B3GAT1: variants seen among roughly 807,000 people sequenced by gnomAD.
B3GAT1 encodes beta-1,3-glucuronyltransferase 1.
B3GAT1 carries 11 observed loss-of-function variants against 28.4 expected under a neutral mutation model. The ratio of observed to expected loss-of-function variants is 0.39; its 90% CI spans 0.24 to 0.64. B3GAT1 has a LOEUF of 0.64. Ranked by LOEUF, B3GAT1 falls within the 30% of genes least tolerant of loss-of-function variation. The pLI, the probability that B3GAT1 is intolerant of heterozygous loss-of-function variation, is 0.50. For missense variants in B3GAT1, 375 were observed against 491.0 expected, an observed-to-expected ratio of 0.76 and a Z score of 2.23; for synonymous variants, 255 against 223.1, an observed-to-expected ratio of 1.14 and a Z score of -1.27.
Position 134,378,509 on chromosome 11 carries a change from A to G in B3GAT1, c.*2253T>C, listed in dbSNP as rs570539287. 5 of 152,340 alleles carry G rather than the reference A, an allele frequency of 3.3e-5. No homozygotes were observed. Among genetic ancestry groups the G allele is most frequent in the Admixed American group, 3.3e-4 (5 of 15,302 alleles). The allele number at this position is 152,340 out of a possible 1,614,324, so 9.4% of individuals were successfully genotyped here. A position where few individuals can be genotyped will look rare whatever the true frequency, so the allele number is the denominator to read the frequency against. On this transcript the variant is annotated 3_prime_UTR_variant, in exon 6 of 6. Coordinates refer to ENST00000312527, the MANE Select transcript of B3GAT1 (RefSeq NM_054025.3). ...TAAGGCAGGGCTGAAGAGGATTAGG[A>G]CTGTTAAAAACTGTATTTGACTTTT...
intron 1 of B3GAT1, among the ~76,000 whole-genome samples, chr11:134,403,067 T>G (rs1469221019): frequency 6.6e-6 from 1 of 151,720 alleles, no homozygotes; most frequent in East Asian, 1.9e-4. Flanking sequence ...GACAGTGGAG[T>G]GTGCTGATAC....
chr11:134,389,038 T>C (rs1249985882), intron 1 of B3GAT1: 6 of 152,256 alleles, frequency 3.9e-5, no homozygotes. Flanking sequence ...CAAATTGCTT[T>C]CCATAGTGGC....
At chr11:134,387,982 T>G in intron 1 of B3GAT1, 42 bp from the exon 2 acceptor site, 6 of 795,814 alleles carry the variant, frequency 7.5e-6, no homozygotes, top group Non-Finnish European at 1.2e-5. Flanking sequence ...GACCCAGGTA[T>G]AGGAATGGAT....
chr11:134,381,815 G>T (rs1287241693), intron 5 of B3GAT1, 109 bp downstream of exon 5: 1 of 876,494 alleles, frequency 1.1e-6, no homozygotes, highest in Admixed American at 1.9e-5. Flanking sequence ...GCCCACATCT[G>T]CCCTGTCCTC....
rs1016254447 is a variant in B3GAT1 at position 134,393,166 on chromosome 11, C to G, written c.-281-5226G>C. Among the ~76,000 whole-genome samples, 2 of 152,200 alleles carry G rather than the reference C, an allele frequency of 1.3e-5. No individual in the cohort carries two copies. The highest frequency in any genetic ancestry group is 3.8e-4 in the East Asian group (2 of 5,196). On this transcript the variant is annotated intron_variant, in intron 1 of 5. Coordinates refer to ENST00000312527, the MANE Select transcript of B3GAT1 (RefSeq NM_054025.3). This position sits in a 1 kb window ranked among gnomAD's most constrained non-coding sequence, Gnocchi z 4.0. ...CTGGAGGACGAGAAAGGCCTTTTTA[C>G]CCAGTAAGATGGGAACAGTAGTTAA...
rs1429852910 is a variant in B3GAT1 at position 134,398,208 on chromosome 11, T to C, written c.-281-10268A>G. Among the ~76,000 whole-genome samples the C allele has an allele frequency of 2.0e-5, 3 of 152,128 alleles. No individual in the cohort carries two copies. The East Asian group carries it at 5.8e-4, about 29-fold the overall frequency. ...GTGATCATGGCCGGCACCCCGTGAG[T>C]CAGCACACGTGTATTCACAGGCACG... On this transcript the variant is annotated intron_variant, in intron 1 of 5. Coordinates refer to ENST00000312527, the MANE Select transcript of B3GAT1 (RefSeq NM_054025.3).
At chr11:134,404,009 A>T (rs1172732331) in intron 1 of B3GAT1, among the ~76,000 whole-genome samples, 1 of 97,136 alleles carries the variant, frequency 1.0e-5, no homozygotes, top group African/African-American at 3.9e-5. Context: ...ATATATATAT[A>T]TATATATATA....
chr11:134,393,948 A>G lies in B3GAT1; in HGVS notation c.-281-6008T>C, dbSNP rs1318726241. Among the ~76,000 whole-genome samples the G allele has an allele frequency of 6.6e-6, 1 of 152,168 alleles. No individual in the cohort carries two copies. Among genetic ancestry groups the G allele is most frequent in the Non-Finnish European group, 1.5e-5 (1 of 68,032 alleles). On this transcript the variant is annotated intron_variant, in intron 1 of 5. Transcript: ENST00000312527. The surrounding 1 kb of genome is among the most constrained non-coding windows in gnomAD (Gnocchi z 4.0). ...TAATGGGATCAGCGGATTAGTATTG[A>G]TTCTGCAGGCGCTGCTCAGGAAACG... is the stretch of plus-strand genomic sequence containing the variant.
In B3GAT1 at chr11:134,387,748, G is replaced by C; in HGVS notation, c.-89C>G. On this transcript the variant is annotated 5_prime_UTR_variant, in exon 2 of 6. Coordinates refer to ENST00000312527, the MANE Select transcript of B3GAT1 (RefSeq NM_054025.3). ...CGGCCACGGGCGGCGGCAGCACAGG[G>C]GAGAAAAGAACAGGCATGGGCCGGG... 6.3e-7 allele frequency: 1 copy of C among 1,577,390 alleles called. No homozygotes were observed. The highest frequency in any genetic ancestry group is 8.6e-7 in the Non-Finnish European group (1 of 1,162,866).
At chr11:134,388,013 C>A in intron 1 of B3GAT1, 73 bp from the exon 2 acceptor site, 1 of 540,268 alleles carries the variant, frequency 1.9e-6, no homozygotes, top group Non-Finnish European at 3.3e-6. Flanking sequence ...CTGGGCCCTG[C>A]TCTGGGACAC....
chr11:134,383,252 C>T (rs56878387), intron 3 of B3GAT1, among the ~76,000 whole-genome samples: 1 of 152,136 alleles, frequency 6.6e-6, no homozygotes, highest in Non-Finnish European at 1.5e-5. Flanking sequence ...CCCTTCTCAG[C>T]GTGGCCCTGC....
In B3GAT1 at chr11:134,383,909, G is replaced by C. The variant is rs767331871; in HGVS notation, c.392C>G (p.Ala131Gly). Residue 131 changes from alanine (A) to glycine (G), a missense_variant, in exon 3 of 6, where the codon GCG becomes GGG. Physicochemically the swap from Ala to Gly is moderately conservative, Grantham distance 60. Coordinates refer to ENST00000312527, the MANE Select transcript of B3GAT1 (RefSeq NM_054025.3). The part of the protein sequence containing the change: ...EDAPRRTPLT[A>G]RLLRDTGLNY... ...GAGGCCGGTGTCGCGCAGCAGGCGC[G>C]CGGTCAGCGGCGTCCGGCGCGGCGC... 5 of 1,595,252 alleles carry C rather than the reference G, an allele frequency of 3.1e-6. No homozygotes were observed. Among genetic ancestry groups the C allele is most frequent in the Non-Finnish European group, 4.3e-6 (5 of 1,175,512 alleles).
In B3GAT1 at chr11:134,379,188, A is replaced by G. The variant is rs1944072938; in HGVS notation, c.*1574T>C. 1 of 152,178 alleles carries G rather than the reference A, an allele frequency of 6.6e-6. No homozygotes were observed. Among genetic ancestry groups the G allele is most frequent in the Non-Finnish European group, 1.5e-5 (1 of 68,036 alleles). 9.4% of individuals were successfully genotyped at this position (152,178 alleles called of 1,614,324 possible). A position where few individuals can be genotyped will look rare whatever the true frequency, so the allele number is the denominator to read the frequency against. On this transcript the variant is annotated 3_prime_UTR_variant, in exon 6 of 6. Transcript: ENST00000312527. Reference sequence around the variant, plus strand: ...TAAATCCATCTCAAAATAGGCAACCAATGCTATATTCTGAATGTTAGGTCT... The same window carrying G: ...TAAATCCATCTCAAAATAGGCAACCGATGCTATATTCTGAATGTTAGGTCT...
chr11:134,404,023 A>ATTTATTTATT (rs1263193507), intron 1 of B3GAT1, among the ~76,000 whole-genome samples: 124 of 112,412 alleles, frequency 1.1e-3, no homozygotes, highest in African/African-American at 3.5e-3. Flanking sequence ...ATATATATAT[A>ATTTATTTATT]TATATATTTA....
intron 1 of B3GAT1, among the ~76,000 whole-genome samples, chr11:134,395,684 T>G (rs980743293): frequency 6.6e-6 from 1 of 152,032 alleles, no homozygotes; most frequent in Non-Finnish European, 1.5e-5. Context: ...CTTGCTACCT[T>G]TCCATCCTTG....
At chr11:134,400,576 G>A (rs1944593407) in intron 1 of B3GAT1, among the ~76,000 whole-genome samples, 1 of 152,212 alleles carries the variant, frequency 6.6e-6, no homozygotes, top group African/African-American at 2.4e-5. Flanking sequence ...GAATGAAACT[G>A]GACCTCTGCC....
intron 5 of B3GAT1, among the ~76,000 whole-genome samples, chr11:134,380,959 G>A (rs753701524): frequency 3.2e-4 from 48 of 152,182 alleles, no homozygotes; most frequent in Non-Finnish European, 2.9e-4. Context: ...TCTAAGTGGC[G>A]CTGGCCAAGG....
intron 1 of B3GAT1, among the ~76,000 whole-genome samples, chr11:134,403,984 T>C (rs188136902): frequency 0.1 from 615 of 5,996 alleles, 34 homozygotes; most frequent in South Asian, 0.43. Context: ...TTTCTTTCTT[T>C]ATATATATAT....
chr11:134,383,809 C>T lies in B3GAT1; in HGVS notation c.492G>A (p.Pro164=). Residue 164 remains proline (P), a synonymous_variant, in exon 3 of 6, where the codon CCG becomes CCA. Coordinates refer to ENST00000312527, the MANE Select transcript of B3GAT1 (RefSeq NM_054025.3). ...LRGDARDPRI[P]RGTMQRNLAL... is the part of the protein sequence containing the mutation. ...CCAGGTTGCGCTGCATGGTGCCCCG[C>T]GGGATGCGTGGGTCGCGGGCGTCTC... is the stretch of plus-strand genomic sequence containing the variant. 6.3e-7 allele frequency: 1 copy of T among 1,596,694 alleles called. No individual in the cohort carries two copies. Among genetic ancestry groups the T allele is most frequent in the East Asian group, 2.3e-5 (1 of 43,960 alleles).
Sources: allele counts gnomAD v4.1 joint callset (sites outside exome capture counted in the v4.1 genomes callset), GRCh38; gene constraint gnomAD v4.1.1; non-coding constraint Gnocchi (gnomAD v3.1); transcripts MANE v1.5; gene names NCBI Gene and HGNC (gene_info 2026-07-23, HGNC 2026-07-21).